Variants in CRACR2A observed in about 807,000 individuals in gnomAD.
The protein encoded by CRACR2A is calcium release activated channel regulator 2A.
In CRACR2A, 79 loss-of-function variants were observed where a neutral mutation model predicts 90.5. That is an observed-to-expected ratio of 0.87 (90% CI 0.73 to 1.05). The LOEUF is 1.05. Ranked by LOEUF, CRACR2A falls within the 50% of genes least tolerant of loss-of-function variation. CRACR2A has a pLI of 0.00. For missense variants in CRACR2A, 823 were observed against 897.2 expected (o/e 0.92, Z 1.06); for synonymous variants, 338 against 356.7 (o/e 0.95, Z 0.59).
chr12:3,636,682 G>A (rs1372809497), intron 14 of CRACR2A, among the ~76,000 whole-genome samples: 1 of 152,210 alleles, frequency 6.6e-6, no homozygotes. Context: ...TGTACCCACT[G>A]CCAGCAAGTG....
At chr12:3,748,902 C>G (rs896048935) in intron 1 of CRACR2A, among the ~76,000 whole-genome samples, 1 of 152,112 alleles carries the variant, frequency 6.6e-6, no homozygotes, top group Non-Finnish European at 1.5e-5. Context: ...GAAAACAGAC[C>G]CCAAAGGTCC....
rs948392675 is a variant in CRACR2A at position 3,697,607 on chromosome 12, C to T, written c.-36-572G>A. ...ATCTCAGTCCCACCCTGTCCTGACT[C>T]CTCAGCATTGCTGAGGGTGGAAAGC... is the stretch of plus-strand genomic sequence containing the variant. On this transcript the variant is annotated intron_variant, in intron 3 of 19. Coordinates refer to ENST00000440314, the MANE Select transcript of CRACR2A (RefSeq NM_001144958.2). Among the ~76,000 whole-genome samples the T allele has an allele frequency of 4.6e-5, 7 of 152,204 alleles. No individual in the cohort carries two copies. The South Asian group carries it at 1.0e-3, about 23-fold the overall frequency.
intron 2 of CRACR2A, among the ~76,000 whole-genome samples, chr12:3,717,300 GTCTC>G (rs1946096669): frequency 6.6e-6 from 1 of 152,154 alleles, no homozygotes; most frequent in African/African-American, 2.4e-5. Flanking sequence ...GTTTCTAAGT[GTCTC>G]TCTAACAATG....
At chr12:3,703,298 G>C (rs1945862692) in intron 3 of CRACR2A, among the ~76,000 whole-genome samples, 3 of 152,088 alleles carry the variant, frequency 2.0e-5, no homozygotes, top group Non-Finnish European at 2.9e-5. Flanking sequence ...CCATAGCCAG[G>C]ATGGTCTTGA....
chr12:3,694,037 TG>T (rs1945696899), intron 4 of CRACR2A, among the ~76,000 whole-genome samples: 2 of 152,298 alleles, frequency 1.3e-5, no homozygotes, highest in South Asian at 4.1e-4. Flanking sequence ...CCCCTGGAGT[TG>T]TTGGGGGCTG....
chr12:3,634,811 T>A (rs1301496740), intron 14 of CRACR2A, among the ~76,000 whole-genome samples: 4 of 152,084 alleles, frequency 2.6e-5, no homozygotes, highest in Admixed American at 1.3e-4. Context: ...TTCCATGCAG[T>A]ATTTAGGAGA....
chr12:3,692,484 C>T lies in CRACR2A; in HGVS notation c.228+4288G>A, dbSNP rs148845578. ...TCAGGCCCTGGTTTTTTTTCTCTGGCTCCTCAAGGTTAGGAATCCACGCTG... is the reference window on the plus strand; with the variant it reads ...TCAGGCCCTGGTTTTTTTTCTCTGGTTCCTCAAGGTTAGGAATCCACGCTG... On this transcript the variant is annotated intron_variant, in intron 4 of 19. Transcript: ENST00000440314. 6.9e-5 allele frequency among the ~76,000 whole-genome samples: 10 copies of T among 145,676 alleles called. 1 individual carries two copies. The East Asian group carries it at 2.1e-3, about 30-fold the overall frequency.
At chr12:3,645,911 G>A (rs1409327190) in intron 11 of CRACR2A, among the ~76,000 whole-genome samples, 1 of 152,186 alleles carries the variant, frequency 6.6e-6, no homozygotes, top group Non-Finnish European at 1.5e-5. Flanking sequence ...CAATGGAGGA[G>A]AGAAAGAACA....
chr12:3,719,435 G>A (rs369148844), intron 2 of CRACR2A, among the ~76,000 whole-genome samples: 8 of 152,102 alleles, frequency 5.3e-5, no homozygotes, highest in Admixed American at 3.3e-4. Flanking sequence ...ATCCTATCCC[G>A]GAATGTAGTC....
rs913167290 is a variant in CRACR2A at position 3,633,881 on chromosome 12, G to A, written c.1603-145C>T. 1 of 1,121,686 alleles carries A rather than the reference G, an allele frequency of 8.9e-7. No homozygotes were observed. Among genetic ancestry groups the A allele is most frequent in the Non-Finnish European group, 1.3e-6 (1 of 798,550 alleles). 69.5% of individuals were successfully genotyped at this position (1,121,686 alleles called of 1,614,324 possible). A position where few individuals can be genotyped will look rare whatever the true frequency, so the allele number is the denominator to read the frequency against. ...AGACCTGCACCAGGAGGCTGCCACA[G>A]CCTCAGAATGCAGTGAGCATAGTCG... On this transcript the variant is annotated intron_variant, in intron 14 of 19. Transcript: ENST00000440314. This position sits in a 1 kb window ranked among gnomAD's most constrained non-coding sequence, Gnocchi z 4.5.
At chr12:3,676,482 C>CAT (rs1249823091) in intron 6 of CRACR2A, among the ~76,000 whole-genome samples, 1 of 152,070 alleles carries the variant, frequency 6.6e-6, no homozygotes, top group Non-Finnish European at 1.5e-5. Context: ...CATGATGGTG[C>CAT]CAGAAGATGA....
chr12:3,678,804 C>G, intron 6 of CRACR2A, 111 bp downstream of exon 6: 34 of 1,202,542 alleles, frequency 2.8e-5, no homozygotes, highest in Non-Finnish European at 3.7e-5. Flanking sequence ...GCACTGCATT[C>G]CAGTGCAGGG....
At chr12:3,616,502 T>A (rs1867686225) in intron 19 of CRACR2A, among the ~76,000 whole-genome samples, 1 of 152,124 alleles carries the variant, frequency 6.6e-6, no homozygotes, top group South Asian at 2.1e-4. Context: ...TCACAGCCCC[T>A]CTTCTTTCTG....
chr12:3,713,037 C>A (rs1234069097), intron 3 of CRACR2A, among the ~76,000 whole-genome samples, 200 bp downstream of exon 3: 5 of 152,012 alleles, frequency 3.3e-5, no homozygotes, highest in African/African-American at 1.2e-4. Flanking sequence ...GTGGAATAGA[C>A]CCTCCATCAT....
intron 3 of CRACR2A, among the ~76,000 whole-genome samples, chr12:3,698,649 C>T (rs539897221): frequency 2.8e-4 from 43 of 152,188 alleles, no homozygotes; most frequent in Non-Finnish European, 5.4e-4. Context: ...TGTTCTTTCT[C>T]GTCATCTCTG....
intron 7 of CRACR2A, among the ~76,000 whole-genome samples, chr12:3,665,850 T>C (rs1945125467): frequency 1.3e-5 from 2 of 152,236 alleles, no homozygotes; most frequent in South Asian, 4.1e-4. Flanking sequence ...GATGAAGCCC[T>C]TCTTACAGTA....
chr12:3,653,437 A>G (rs960117805), intron 10 of CRACR2A, among the ~76,000 whole-genome samples: 1 of 152,236 alleles, frequency 6.6e-6, no homozygotes, highest in Admixed American at 6.5e-5. Flanking sequence ...AACAAATGAG[A>G]GTCCTCTGCC....
In CRACR2A at chr12:3,635,389, G is replaced by A. The variant is rs1055363574; in HGVS notation, c.1603-1653C>T. On this transcript the variant is annotated intron_variant, in intron 14 of 19. Coordinates refer to ENST00000440314, the MANE Select transcript of CRACR2A (RefSeq NM_001144958.2). ...TCATGCTTTTTAATTTAAAAAATAA[G>A]GCTTTAAGAAATAAAATGTATGCTA... Among the ~76,000 whole-genome samples, 90 of 152,094 alleles carry A rather than the reference G, an allele frequency of 5.9e-4. 4 individuals carry two copies. Among genetic ancestry groups the A allele is most frequent in the Non-Finnish European group, 2.9e-5 (2 of 68,022 alleles).
intron 2 of CRACR2A, among the ~76,000 whole-genome samples, chr12:3,714,202 A>G (rs1946048718): frequency 6.6e-6 from 1 of 152,248 alleles, no homozygotes; most frequent in Admixed American, 6.5e-5. Flanking sequence ...TTCAATGAAT[A>G]TTCACTCTGT....
Sources: allele counts gnomAD v4.1 joint callset (sites outside exome capture counted in the v4.1 genomes callset), GRCh38; gene constraint gnomAD v4.1.1; non-coding constraint Gnocchi (gnomAD v3.1); transcripts MANE v1.5; gene names NCBI Gene and HGNC (gene_info 2026-07-23, HGNC 2026-07-21).